Variants in HDAC9 observed in about 807,000 individuals in gnomAD.
HDAC9 encodes the protein histone deacetylase 9.
Under a neutral mutation model 139.4 loss-of-function variants are expected in HDAC9, and 41 were observed. The ratio of observed to expected loss-of-function variants is 0.29; its 90% CI spans 0.23 to 0.38. The LOEUF is 0.38. Ranked by LOEUF, HDAC9 falls within the 10% of genes least tolerant of loss-of-function variation. The pLI is 1.00. For synonymous variants in HDAC9, 517 were observed against 476.2 expected (o/e 1.09, Z -1.12); for missense variants, 1,147 against 1,297.0 (o/e 0.88, Z 1.78).
At chr7:18,498,340 T>C (rs1346841252) in intron 2 of HDAC9, among the ~76,000 whole-genome samples, 1 of 152,006 alleles carries the variant, frequency 6.6e-6, no homozygotes, top group Non-Finnish European at 1.5e-5. Context: ...TAGATTCCAC[T>C]CCCAGAATGC....
At chr7:18,476,806 A>G (rs1181945508) in intron 1 of HDAC9, among the ~76,000 whole-genome samples, 6 of 152,146 alleles carry the variant, frequency 3.9e-5, no homozygotes, top group African/African-American at 1.4e-4. Context: ...TATTATTTTG[A>G]ACAACTAAGT....
chr7:18,496,320 C>G lies in HDAC9; in HGVS notation c.18C>G (p.Ser6Arg). ...AGCAAAGAATGCACAGTATGATCAG[C>G]TCAGGTAAGATCCTCTTTCATAACT... MHSMI[S>R]SVDVKSEVPV... Residue 6 changes from serine to arginine, a missense_variant, in exon 2 of 26, where the codon AGC (serine) becomes AGG (arginine). Around this residue, in one of 7 missense-constraint regions of HDAC9, gnomAD observed 136 missense variants for 183.5 expected, o/e 0.74. Coordinates refer to ENST00000686413, the MANE Select transcript of HDAC9 (RefSeq NM_178425.4). The G allele has an allele frequency of 6.2e-7, 1 of 1,612,816 alleles. No individual in the cohort carries two copies. Among genetic ancestry groups the G allele is most frequent in the Non-Finnish European group, 8.5e-7 (1 of 1,179,168 alleles).
chr7:18,258,444 A>T (rs1795421571), intron 2 of HDAC9, among the ~76,000 whole-genome samples: 4 of 152,170 alleles, frequency 2.6e-5, no homozygotes, highest in African/African-American at 9.7e-5. Flanking sequence ...CAAGCAATGT[A>T]CACTGTACCC....
chr7:18,604,632 C>G (rs1834939734), intron 6 of HDAC9, among the ~76,000 whole-genome samples: 1 of 152,052 alleles, frequency 6.6e-6, no homozygotes, highest in South Asian at 2.1e-4. Context: ...ATCTCCTGAC[C>G]TCATGATCCG....
intron 22 of HDAC9, among the ~76,000 whole-genome samples, chr7:18,905,851 TTTC>T (rs775697669): frequency 1.5e-4 from 17 of 113,822 alleles, no homozygotes; most frequent in Non-Finnish European, 2.8e-4. Flanking sequence ...TGCTGAATAG[TTTC>T]TTTCTTTCTT....
chr7:18,772,776 T>A (rs1478520672), intron 16 of HDAC9, among the ~76,000 whole-genome samples: 1 of 152,076 alleles, frequency 6.6e-6, no homozygotes, highest in East Asian at 1.9e-4. Context: ...TTAAAACTGA[T>A]AAGCCACCTT....
intron 17 of HDAC9, among the ~76,000 whole-genome samples, chr7:18,806,573 G>T (rs1467220835): frequency 6.6e-6 from 1 of 152,164 alleles, no homozygotes; most frequent in Non-Finnish European, 1.5e-5. Context: ...GTTGGAAAAG[G>T]CTCTATGCTT....
At chr7:18,788,280 A>G (rs959235207) in intron 16 of HDAC9, among the ~76,000 whole-genome samples, 4 of 152,102 alleles carry the variant, frequency 2.6e-5, no homozygotes, top group Non-Finnish European at 5.9e-5. Context: ...AAACCATTTC[A>G]CAGGCTCTCC....
intron 21 of HDAC9, among the ~76,000 whole-genome samples, chr7:18,872,667 G>A (rs1002430278): frequency 1.3e-5 from 2 of 152,050 alleles, no homozygotes; most frequent in Non-Finnish European, 2.9e-5. Context: ...TGTTTTCAGT[G>A]TTCTAAAATT....
At chr7:18,719,762 C>A (rs1213924963) in intron 12 of HDAC9, among the ~76,000 whole-genome samples, 3 of 152,098 alleles carry the variant, frequency 2.0e-5, no homozygotes, top group Non-Finnish European at 2.9e-5. Flanking sequence ...GTTCCATGAT[C>A]CATTTGGAGT....
At chr7:18,641,803 C>G (rs1313853565) in intron 8 of HDAC9, among the ~76,000 whole-genome samples, 1 of 151,954 alleles carries the variant, frequency 6.6e-6, no homozygotes, top group Non-Finnish European at 1.5e-5. Flanking sequence ...CAGGATCTTT[C>G]ATTGTGTCAG....
rs571823107 is a variant in HDAC9, at chr7:18,678,551, A to G, written c.1731+12075A>G. Among the ~76,000 whole-genome samples, 4 of 151,850 alleles carry G rather than the reference A, an allele frequency of 2.6e-5. No individual in the cohort carries two copies. The South Asian group carries it at 6.2e-4, about 24-fold the overall frequency. Reference sequence around the variant, plus strand: ...CTGTACATTTTCCATTGCTGTACACATCTTTTCTTCCTAGTGGATGAACTT... The same window carrying G: ...CTGTACATTTTCCATTGCTGTACACGTCTTTTCTTCCTAGTGGATGAACTT... On this transcript the variant is annotated intron_variant, in intron 12 of 25. Transcript: ENST00000686413.
At chr7:18,816,806 TG>T (rs1364528110) in intron 17 of HDAC9, among the ~76,000 whole-genome samples, 3 of 152,158 alleles carry the variant, frequency 2.0e-5, no homozygotes, top group African/African-American at 4.8e-5. Flanking sequence ...CACGGAACAA[TG>T]TTCAGTTTCT....
intron 1 of HDAC9, among the ~76,000 whole-genome samples, chr7:18,446,257 T>G (rs906592580): frequency 6.6e-6 from 1 of 152,240 alleles, no homozygotes; most frequent in Non-Finnish European, 1.5e-5. Context: ...ATAAATAGTT[T>G]ATTGTCATAT....
intron 22 of HDAC9, among the ~76,000 whole-genome samples, chr7:18,888,161 C>G (rs1228854133): frequency 6.6e-6 from 1 of 152,126 alleles, no homozygotes. Context: ...GTGGCTCCCG[C>G]CTGTAATCCC....
chr7:18,721,765 A>T (rs1038133196), intron 12 of HDAC9, among the ~76,000 whole-genome samples: 3 of 152,084 alleles, frequency 2.0e-5, no homozygotes, highest in Non-Finnish European at 4.4e-5. Flanking sequence ...AAACAGAAAA[A>T]AATCTGTTAT....
chr7:18,915,737 T>G (rs75383523), intron 22 of HDAC9, among the ~76,000 whole-genome samples: 7,944 of 151,572 alleles, frequency 0.052, 261 homozygotes, highest in South Asian at 0.13. Context: ...GCCCAGAAAT[T>G]AAAACGAAAT....
intron 2 of HDAC9, among the ~76,000 whole-genome samples, chr7:18,580,721 T>C (rs1005864087): frequency 6.6e-6 from 1 of 152,214 alleles, no homozygotes; most frequent in African/African-American, 2.4e-5. Context: ...AGACAAGGAA[T>C]GTTGTGAACA....
intron 1 of HDAC9, among the ~76,000 whole-genome samples, chr7:18,415,382 G>T (rs1322507556): frequency 1.3e-5 from 2 of 152,194 alleles, no homozygotes; most frequent in Non-Finnish European, 2.9e-5. Flanking sequence ...CCTCTCAGCT[G>T]TACCTCTTCC....
Sources: gnomAD v4.1 joint callset for allele counts (sites outside exome capture counted in the v4.1 genomes callset) on GRCh38, gnomAD v4.1.1 for gene constraint, gnomAD v4.1.1 regional missense constraint, MANE v1.5 for transcripts, NCBI Gene and HGNC (gene_info 2026-07-23, HGNC 2026-07-21) for gene names.